The following ASB4 variants were observed in gnomAD, a reference collection of about 807,000 sequenced individuals.
The protein encoded by ASB4 is ankyrin repeat and SOCS box containing 4.
Under a neutral mutation model 38.6 loss-of-function variants are expected in ASB4, and 35 were observed. The ratio of observed to expected loss-of-function variants is 0.91; its 90% CI spans 0.69 to 1.20. ASB4 has a LOEUF of 1.20. Among genes scored for constraint, ASB4 ranks in the 50% most tolerant of loss-of-function variants. The pLI is 0.00. For missense variants in ASB4, 557 were observed against 527.2 expected (o/e 1.06, Z -0.55); for synonymous variants, 195 against 201.3 (o/e 0.97, Z 0.26).
At chr7:95,507,926 G>A (rs939156868) in intron 2 of ASB4, among the ~76,000 whole-genome samples, 3 of 152,160 alleles carry the variant, frequency 2.0e-5, no homozygotes, top group Non-Finnish European at 2.9e-5. Flanking sequence ...TGAGTTGAGC[G>A]ACGGATGCAG....
chr7:95,532,306 T>C (rs1331833236), intron 3 of ASB4, among the ~76,000 whole-genome samples: 1 of 152,188 alleles, frequency 6.6e-6, no homozygotes, highest in Non-Finnish European at 1.5e-5. Flanking sequence ...GTAGAGGGTG[T>C]ATTTCACTGA....
At chr7:95,543,947 C>T (rs771893359), downstream of ASB4, 5 of 151,922 alleles carry the variant, frequency 3.3e-5, no homozygotes, top group African/African-American at 7.3e-5. Flanking sequence ...TTTAGAGCAC[C>T]GTCATGATGT....
downstream of ASB4, among the ~76,000 whole-genome samples, chr7:95,540,461 T>C (rs1036584000): frequency 3.3e-5 from 5 of 152,180 alleles, no homozygotes; most frequent in African/African-American, 1.2e-4. Flanking sequence ...ACAAGTGTGT[T>C]TTAATAGTAG....
At chr7:95,513,980 C>G (rs1241077021) in intron 2 of ASB4, among the ~76,000 whole-genome samples, 1 of 152,208 alleles carries the variant, frequency 6.6e-6, no homozygotes, top group Admixed American at 6.5e-5. Flanking sequence ...ACCCTCACAA[C>G]TCCTGGACCT....
At chr7:95,478,934 A>G (rs1382184060) in intron 1 of ASB4, among the ~76,000 whole-genome samples, 4 of 152,078 alleles carry the variant, frequency 2.6e-5, no homozygotes, top group Non-Finnish European at 5.9e-5. Context: ...AGCGCCCCCA[A>G]CTGCTTGAAG....
chr7:95,550,362 G>A, the ASB4 span, among the ~76,000 whole-genome samples: 4 of 152,124 alleles, frequency 2.6e-5, no homozygotes, highest in Non-Finnish European at 4.4e-5. Context: ...GGAACACGCC[G>A]TTCTCTCTGG....
chr7:95,502,217 T>C (rs1244509051), intron 2 of ASB4, among the ~76,000 whole-genome samples: 1 of 152,010 alleles, frequency 6.6e-6, no homozygotes, highest in Non-Finnish European at 1.5e-5. Flanking sequence ...AATAAATATA[T>C]GACATAATGA....
At chr7:95,498,904 T>C (rs188229512) in intron 2 of ASB4, among the ~76,000 whole-genome samples, 3 of 152,344 alleles carry the variant, frequency 2.0e-5, no homozygotes, top group Non-Finnish European at 4.4e-5. Context: ...AAAAGAATAT[T>C]CTTTCACCAT....
chr7:95,474,892 A>G (rs1281238458), upstream of ASB4, among the ~76,000 whole-genome samples: 1 of 152,194 alleles, frequency 6.6e-6, no homozygotes, highest in Non-Finnish European at 1.5e-5. Context: ...CCAAATAGGC[A>G]TGTAGTTAAG....
downstream of ASB4, chr7:95,542,392 A>G (rs760360415): frequency 6.6e-6 from 1 of 152,180 alleles, no homozygotes; most frequent in Non-Finnish European, 1.5e-5. Context: ...ATGTATGCAA[A>G]AACATCCCCC....
At chr7:95,523,736 T>C (rs1401059229) in intron 2 of ASB4, among the ~76,000 whole-genome samples, 3 of 152,176 alleles carry the variant, frequency 2.0e-5, no homozygotes, top group African/African-American at 7.2e-5. Context: ...GTAGCATTAA[T>C]TTTAAGATCA....
rs531344017 is a variant in ASB4, at chr7:95,517,713, A to C, written c.488-10100A>C. On this transcript the variant is annotated intron_variant, in intron 2 of 4. Transcript: ENST00000325885. ...GATAATCAATTACAGGCCACTAGTG[A>C]TCTTCGTCTGAGCAGTTCCAGTGGA... is the stretch of plus-strand genomic sequence containing the variant. Among the ~76,000 whole-genome samples the C allele has an allele frequency of 2.6e-5, 4 of 152,230 alleles. No individual in the cohort carries two copies. In the East Asian group the frequency reaches 5.8e-4, roughly 22 times the overall value.
intron 2 of ASB4, among the ~76,000 whole-genome samples, chr7:95,526,818 G>A (rs1464674151): frequency 6.6e-6 from 1 of 152,160 alleles, no homozygotes; most frequent in East Asian, 1.9e-4. Flanking sequence ...AATTCCAGCA[G>A]CGCTGATATT....
chr7:95,485,008 G>A (rs898836824), upstream of ASB4, among the ~76,000 whole-genome samples: 5 of 136,332 alleles, frequency 3.7e-5, no homozygotes, highest in South Asian at 2.2e-4. Context: ...ATATATGTGT[G>A]TGTATATATG....
Position 95,526,717 on chromosome 7 carries a change from G to A in ASB4, c.488-1096G>A, listed in dbSNP as rs140055654. Among the ~76,000 whole-genome samples, 976 of 152,280 alleles carry A rather than the reference G, an allele frequency of 6.4e-3. 8 individuals carry two copies. Among genetic ancestry groups the A allele is most frequent in the Non-Finnish European group, 0.012 (784 of 68,030 alleles). ...CATTTAGCCCAGAATGTTTCACATG[G>A]TTAAGTGCTTAATAAATACTAGTTA... On this transcript the variant is annotated intron_variant, in intron 2 of 4. Transcript: ENST00000325885.
intron 1 of ASB4, among the ~76,000 whole-genome samples, chr7:95,493,304 GGAGA>G (rs1348671843): frequency 1.3e-5 from 2 of 151,782 alleles, no homozygotes; most frequent in Non-Finnish European, 2.9e-5. Context: ...GGGAAAGGTG[GGAGA>G]GAGAGAAAGC....
At chr7:95,536,696 G>A (rs1327538214) in intron 4 of ASB4, 146 bp downstream of exon 4, 1 of 534,488 alleles carries the variant, frequency 1.9e-6, no homozygotes, top group East Asian at 3.2e-5. Context: ...GTTATAAAAT[G>A]CAGGTTTGAG....
chr7:95,528,434 C>G, intron 3 of ASB4, 131 bp downstream of exon 3: 1 of 1,501,386 alleles, frequency 6.7e-7, no homozygotes, highest in Non-Finnish European at 8.9e-7. Context: ...CTTTGACCTT[C>G]CATTACATAC....
At chr7:95,535,983 T>C (rs1458353602) in intron 3 of ASB4, among the ~76,000 whole-genome samples, 1 of 152,226 alleles carries the variant, frequency 6.6e-6, no homozygotes, top group Non-Finnish European at 1.5e-5. Flanking sequence ...GGGAATGTAT[T>C]CTGTGTCCAG....
Sources: allele counts gnomAD v4.1 joint callset (sites outside exome capture counted in the v4.1 genomes callset), GRCh38; gene constraint gnomAD v4.1.1; transcripts MANE v1.5; gene names NCBI Gene and HGNC (gene_info 2026-07-23, HGNC 2026-07-21).